RYR3: variants seen among roughly 807,000 people sequenced by gnomAD.
RYR3 encodes ryanodine receptor 3.
A neutral mutation model predicts 584.3 loss-of-function variants in RYR3; 207 were observed. The ratio of observed to expected loss-of-function variants is 0.35; its 90% confidence interval spans 0.32 to 0.40. The LOEUF (loss-of-function observed/expected upper bound fraction) is 0.40. Ranked by LOEUF, RYR3 falls within the 10% of genes least tolerant of loss-of-function variation. RYR3 has a pLI of 1.00. For synonymous variants in RYR3, 2,416 were observed against 2,248.5 expected (o/e 1.07, Z -2.11); for missense variants, 5,616 against 6,089.2 (o/e 0.92, Z 2.59).
chr15:33,789,797 C>T (rs1188664439), intron 67 of RYR3, among the ~76,000 whole-genome samples: 6 of 134,626 alleles, frequency 4.5e-5, no homozygotes, highest in East Asian at 4.5e-4. Flanking sequence ...ACCTCAGCCT[C>T]GTGAGTAGCT....
chr15:33,558,705 G>C (rs368850507), intron 10 of RYR3, among the ~76,000 whole-genome samples: 1 of 152,180 alleles, frequency 6.6e-6, no homozygotes, highest in South Asian at 2.1e-4. Flanking sequence ...CAATCTGGCA[G>C]GGGGCAGCTA....
At chr15:33,451,924 C>T (rs933990377) in intron 1 of RYR3, among the ~76,000 whole-genome samples, 1 of 152,184 alleles carries the variant, frequency 6.6e-6, no homozygotes, top group African/African-American at 2.4e-5. Flanking sequence ...GTACTCAAAC[C>T]GGAGTCTTTG....
intron 3 of RYR3, among the ~76,000 whole-genome samples, chr15:33,504,549 C>T (rs745893583): frequency 3.3e-5 from 5 of 152,124 alleles, no homozygotes; most frequent in African/African-American, 7.2e-5. Context: ...CCTATACTTA[C>T]CCCCTCCTCC....
At chr15:33,456,074 ATAG>A (rs2047534207) in intron 1 of RYR3, among the ~76,000 whole-genome samples, 1 of 152,178 alleles carries the variant, frequency 6.6e-6, no homozygotes, top group African/African-American at 2.4e-5. Flanking sequence ...TTGAAAATTT[ATAG>A]TAGTGTTTAA....
intron 1 of RYR3, among the ~76,000 whole-genome samples, chr15:33,448,232 C>T (rs1374159019): frequency 6.6e-6 from 1 of 152,198 alleles, no homozygotes; most frequent in Non-Finnish European, 1.5e-5. Context: ...GTCTGGCCAG[C>T]TGCTGGCCTC....
chr15:33,766,549 T>C (rs1489780594), intron 60 of RYR3, among the ~76,000 whole-genome samples: 1 of 152,206 alleles, frequency 6.6e-6, no homozygotes, highest in Non-Finnish European at 1.5e-5. Context: ...GTGTCTGTTT[T>C]CTTTATCTAC....
intron 1 of RYR3, among the ~76,000 whole-genome samples, chr15:33,328,001 T>C (rs1249247741): frequency 6.6e-6 from 1 of 152,188 alleles, no homozygotes; most frequent in Non-Finnish European, 1.5e-5. Context: ...TTGTTTTCAA[T>C]AAAATTTCAA....
chr15:33,404,044 T>C (rs1440673208), intron 1 of RYR3, among the ~76,000 whole-genome samples: 1 of 152,224 alleles, frequency 6.6e-6, no homozygotes, highest in Non-Finnish European at 1.5e-5. Context: ...GCAAGCCACA[T>C]GTTACTGTTC....
intron 5 of RYR3, among the ~76,000 whole-genome samples, chr15:33,537,323 A>G (rs1036446483): frequency 2.0e-5 from 3 of 152,110 alleles, no homozygotes; most frequent in African/African-American, 4.8e-5. Flanking sequence ...CCTAGATTCC[A>G]TGTTTATTAG....
chr15:33,725,965 A>AT (rs1567033493), intron 45 of RYR3, among the ~76,000 whole-genome samples: 15 of 21,496 alleles, frequency 7.0e-4, no homozygotes, highest in Admixed American at 4.3e-3. Context: ...GCAAGACTCC[A>AT]TCCCCCCCCC....
rs775426910 is a variant in RYR3, at chr15:33,633,006, G to C, written c.2925G>C (p.Leu975=). 3.1e-6 allele frequency: 5 copies of C among 1,613,860 alleles called. No individual in the cohort carries two copies. Among genetic ancestry groups the C allele is most frequent in the Non-Finnish European group, 4.2e-6 (5 of 1,179,852 alleles). Residue 975 remains leucine (L), a synonymous_variant, in exon 24 of 104, where the codon CTG becomes CTC. Coordinates refer to ENST00000634891, the MANE Select transcript of RYR3 (RefSeq NM_001036.6). The stretch of plus-strand genomic sequence containing the variant: ...CTTTGGATTTGTCTGATGTGAAGCT[G>C]TTACCTCCTCAAGAAATTTTAGTGG... ...PAPLDLSDVK[L]LPPQEILVDK...
rs2056573708 is a variant in RYR3, at chr15:33,550,176, A to G, written c.832A>G (p.Ile278Val). The G allele has an allele frequency of 6.2e-7, 1 of 1,613,344 alleles. No individual in the cohort carries two copies. Among genetic ancestry groups the G allele is most frequent in the Non-Finnish European group, 8.5e-7 (1 of 1,179,692 alleles). The change falls in exon 10 of 104, where the codon ATC becomes GTC. Residue 278 changes from isoleucine to valine, a missense_variant. Around this residue, in one of 9 missense-constraint regions of RYR3, gnomAD observed 1,284 missense variants for 1,344.6 expected, o/e 0.95. Coordinates refer to ENST00000634891, the MANE Select transcript of RYR3 (RefSeq NM_001036.6). Reference protein sequence around the residue: ...PLRISWSGSNIRWGQAFRLRH... With the variant: ...PLRISWSGSNVRWGQAFRLRH... ...TCTGCCCAGCTGGAGTGGCAGTAAC[A>G]TCAGATGGGGCCAGGCTTTCCGACT...
chr15:33,843,188 C>A (rs559097976), intron 91 of RYR3, among the ~76,000 whole-genome samples: 1 of 151,946 alleles, frequency 6.6e-6, no homozygotes, highest in Non-Finnish European at 1.5e-5. Context: ...GGTGTGTTGG[C>A]GGGCGCCTGT....
intron 1 of RYR3, among the ~76,000 whole-genome samples, chr15:33,347,540 G>A (rs1010186822): frequency 2.0e-5 from 3 of 151,036 alleles, no homozygotes; most frequent in African/African-American, 4.9e-5. Flanking sequence ...TCCGCCTCCC[G>A]GGGTCATGCC....
chr15:33,324,844 C>T (rs922075666), intron 1 of RYR3, among the ~76,000 whole-genome samples: 6 of 152,130 alleles, frequency 3.9e-5, no homozygotes, highest in Non-Finnish European at 5.9e-5. Context: ...AAAACCCAAC[C>T]GCATTATGGA....
chr15:33,569,467 A>C (rs1489708261), intron 12 of RYR3, among the ~76,000 whole-genome samples: 3 of 152,152 alleles, frequency 2.0e-5, no homozygotes, highest in Non-Finnish European at 4.4e-5. Flanking sequence ...GTTTATTCTC[A>C]GTACCTCATA....
chr15:33,337,829 T>A (rs559492196), intron 1 of RYR3, among the ~76,000 whole-genome samples: 1 of 151,652 alleles, frequency 6.6e-6, no homozygotes, highest in African/African-American at 2.4e-5. Flanking sequence ...ACTGAACAAC[T>A]GGGAACAACA....
At chr15:33,520,408 G>T (rs1178045838) in intron 3 of RYR3, among the ~76,000 whole-genome samples, 1 of 152,158 alleles carries the variant, frequency 6.6e-6, no homozygotes, top group East Asian at 1.9e-4. Flanking sequence ...TCTTAATATT[G>T]ACCCTTTGTG....
intron 52 of RYR3, among the ~76,000 whole-genome samples, chr15:33,743,328 T>G (rs4780174): frequency 0.55 from 83,491 of 151,924 alleles, 23,286 homozygotes; most frequent in South Asian, 0.71. Flanking sequence ...AAAACAGGAG[T>G]TGGCAAATCT....
Sources: allele counts gnomAD v4.1 joint callset (sites outside exome capture counted in the v4.1 genomes callset), GRCh38; gene constraint gnomAD v4.1.1; regional missense constraint gnomAD v4.1.1; transcripts MANE v1.5; gene names NCBI Gene and HGNC (gene_info 2026-07-23, HGNC 2026-07-21).